Variants in HMCN1 observed in about 807,000 individuals in gnomAD.
HMCN1 encodes hemicentin-1.
HMCN1 carries 321 observed loss-of-function variants against 625.9 expected under a neutral mutation model. The observed-to-expected ratio is 0.51, with a 90% confidence interval of 0.47 to 0.56. HMCN1 has a LOEUF of 0.56. HMCN1 is among the 20% of genes least tolerant of loss of function. The pLI is 0.00. For synonymous variants in HMCN1, 2,425 were observed against 2,417.6 expected, an observed-to-expected ratio of 1.00 and a Z score of -0.09; for missense variants, 6,588 against 6,887.3, an observed-to-expected ratio of 0.96 and a Z score of 1.54.
intron 1 of HMCN1, among the ~76,000 whole-genome samples, chr1:185,811,591 G>A (rs1047231064): frequency 2.0e-5 from 3 of 151,782 alleles, no homozygotes; most frequent in Non-Finnish European, 4.4e-5. Flanking sequence ...GCAAGACCCT[G>A]TCTCTTGAAA....
chr1:186,178,438 G>A lies in HMCN1; in HGVS notation c.15966G>A (p.Val5322=). The A allele has an allele frequency of 3.1e-6, 5 of 1,613,552 alleles. No individual in the cohort carries two copies. Among genetic ancestry groups the A allele is most frequent in the Non-Finnish European group, 2.5e-6 (3 of 1,179,626 alleles). The change falls in exon 104 of 107, where the codon GTG becomes GTA. Residue 5322 remains valine (V), a synonymous_variant. Coordinates refer to ENST00000271588, the MANE Select transcript of HMCN1 (RefSeq NM_031935.3). The stretch of plus-strand genomic sequence containing the variant: ...CAGACATTAATGAATGTGAACAAGT[G>A]CCTAAACCTTGTGCACATCAGTGCT... The part of the protein sequence containing the change: ...PCMDINECEQ[V]PKPCAHQCSN...
intron 89 of HMCN1, among the ~76,000 whole-genome samples, chr1:186,143,967 T>C (rs1022537726): frequency 6.6e-6 from 1 of 152,242 alleles, no homozygotes; most frequent in Non-Finnish European, 1.5e-5. Context: ...CAGGTAAGCC[T>C]TCTGAATTTC....
chr1:186,100,303 CA>C (rs1419103599), intron 68 of HMCN1, among the ~76,000 whole-genome samples: 1 of 152,024 alleles, frequency 6.6e-6, no homozygotes, highest in African/African-American at 2.4e-5. Flanking sequence ...AAATTAATTC[CA>C]TTAAACTCTG....
At chr1:185,922,529 A>G in intron 7 of HMCN1, 30 bp downstream of exon 7, 6 of 1,563,928 alleles carry the variant, frequency 3.8e-6, no homozygotes, top group South Asian at 2.3e-5. Flanking sequence ...TTAAATTGAC[A>G]TAATAGATAT....
intron 15 of HMCN1, among the ~76,000 whole-genome samples, chr1:185,972,204 A>G (rs887209231): frequency 6.6e-6 from 1 of 152,222 alleles, no homozygotes; most frequent in Non-Finnish European, 1.5e-5. Context: ...AAACAGTCTC[A>G]GTAATTTTTC....
At position 185,846,044 on chromosome 1, in the gene HMCN1, T is replaced by G; in HGVS notation, c.287T>G (p.Ile96Ser). The G allele has an allele frequency of 1.8e-5, 29 of 1,611,462 alleles. No individual in the cohort carries two copies. The highest frequency in any genetic ancestry group is 2.3e-5 in the Non-Finnish European group (27 of 1,177,818). ...FHDPEIGPVT[I>S]TTDPKKFQYE... is the part of the protein sequence containing the mutation. The stretch of plus-strand genomic sequence containing the variant: ...TTCACAGAAATTGGCCCAGTGACAA[T>G]TACCACAGATCCCAAGAAATTTCAA... Residue 96 changes from isoleucine to serine, a missense_variant, in exon 2 of 107, where the codon ATT (isoleucine) becomes AGT (serine). Around this residue, in one of 3 missense-constraint regions of HMCN1, gnomAD observed 4,628 missense variants for 4,853.1 expected, o/e 0.95. Transcript: ENST00000271588.
At chr1:186,159,992 A>G (rs1651328269) in intron 97 of HMCN1, among the ~76,000 whole-genome samples, 1 of 150,726 alleles carries the variant, frequency 6.6e-6, no homozygotes. Flanking sequence ...TTTCAGAAGG[A>G]ATGGTACCAG....
intron 15 of HMCN1, among the ~76,000 whole-genome samples, chr1:185,973,324 T>A (rs954138532): frequency 6.6e-6 from 1 of 152,166 alleles, no homozygotes; most frequent in East Asian, 1.9e-4. Flanking sequence ...GCCTATATAA[T>A]AGCAGCTTAG....
chr1:186,047,888 G>A (rs905984318), intron 41 of HMCN1, among the ~76,000 whole-genome samples: 3 of 152,102 alleles, frequency 2.0e-5, no homozygotes, highest in African/African-American at 7.2e-5. Context: ...ACTGGCTTCT[G>A]TGTACCCCTG....
chr1:185,938,017 G>A (rs1667907022), intron 11 of HMCN1, among the ~76,000 whole-genome samples: 1 of 151,540 alleles, frequency 6.6e-6, no homozygotes, highest in African/African-American at 2.4e-5. Context: ...CACTAAAGAG[G>A]AGAATTTATA....
At chr1:185,829,899 C>G (rs1039111055) in intron 1 of HMCN1, among the ~76,000 whole-genome samples, 1 of 152,160 alleles carries the variant, frequency 6.6e-6, no homozygotes, top group Non-Finnish European at 1.5e-5. Context: ...CACAGCCTTG[C>G]CAGAATCTAT....
At chr1:186,130,265 C>T (rs1661860263) in intron 84 of HMCN1, among the ~76,000 whole-genome samples, 165 bp downstream of exon 84, 1 of 152,008 alleles carries the variant, frequency 6.6e-6, no homozygotes, top group South Asian at 2.1e-4. Context: ...GAACATTCAA[C>T]TCAAAAGTAG....
chr1:185,845,121 A>G (rs1432751538), intron 1 of HMCN1, among the ~76,000 whole-genome samples: 2 of 152,258 alleles, frequency 1.3e-5, no homozygotes, highest in African/African-American at 4.8e-5. Flanking sequence ...GAATGGCGAT[A>G]GCCAGGCTCA....
At chr1:185,838,766 A>C (rs1661317402) in intron 1 of HMCN1, among the ~76,000 whole-genome samples, 1 of 152,216 alleles carries the variant, frequency 6.6e-6, no homozygotes, top group South Asian at 2.1e-4. Flanking sequence ...TTTGTAAGAC[A>C]CACCCAGATA....
intron 1 of HMCN1, among the ~76,000 whole-genome samples, chr1:185,821,827 A>G (rs1195992238): frequency 6.6e-6 from 1 of 150,582 alleles, no homozygotes; most frequent in East Asian, 2.0e-4. Flanking sequence ...CTCTGCAGGC[A>G]TGAGAGATAG....
intron 4 of HMCN1, among the ~76,000 whole-genome samples, chr1:185,870,831 A>G (rs751271867): frequency 1.3e-5 from 2 of 152,190 alleles, no homozygotes; most frequent in Non-Finnish European, 2.9e-5. Flanking sequence ...GCTCTATAAC[A>G]ATAGAACCAG....
chr1:185,900,611 T>G (rs1017241681), intron 4 of HMCN1, among the ~76,000 whole-genome samples: 3 of 151,928 alleles, frequency 2.0e-5, no homozygotes, highest in Admixed American at 6.6e-5. Context: ...ACATCTGAAA[T>G]GATTGGACCT....
In HMCN1 at chr1:185,944,772, A is replaced by G. The variant is rs116091612; in HGVS notation, c.1828+10948A>G. On this transcript the variant is annotated intron_variant, in intron 11 of 106. Coordinates refer to ENST00000271588, the MANE Select transcript of HMCN1 (RefSeq NM_031935.3). ...CTCCATTAAGTCAGAGCTAGATTTT[A>G]TTCAGTTTTGTGTCTTCAGTGTGTA... Among the ~76,000 whole-genome samples the G allele has an allele frequency of 4.9e-3, 751 of 152,330 alleles. 6 individuals carry two copies. Among genetic ancestry groups the G allele is most frequent in the African/African-American group, 0.017 (713 of 41,570 alleles).
At chr1:186,168,447 C>CA (rs35413214) in intron 100 of HMCN1, among the ~76,000 whole-genome samples, 14,364 of 122,458 alleles carry the variant, frequency 0.12, 828 homozygotes, top group Non-Finnish European at 0.16. Context: ...GACTCTGTTT[C>CA]AAAAAAAAAA....
Sources: gnomAD v4.1 joint callset for allele counts (sites outside exome capture counted in the v4.1 genomes callset) on GRCh38, gnomAD v4.1.1 for gene constraint, gnomAD v4.1.1 regional missense constraint, MANE v1.5 for transcripts, NCBI Gene and HGNC (gene_info 2026-07-23, HGNC 2026-07-21) for gene names.